Variants in KCNH7 observed in about 807,000 individuals in gnomAD.
The protein encoded by KCNH7 is potassium voltage-gated channel subfamily H member 7.
KCNH7 carries 49 observed loss-of-function variants against 120.8 expected under a neutral mutation model. That is an observed-to-expected ratio of 0.41 (90% confidence interval 0.32 to 0.51). The LOEUF (loss-of-function observed/expected upper bound fraction) is 0.51, where lower values mean the gene tolerates loss of function less well. Ranked by LOEUF, KCNH7 falls within the 20% of genes least tolerant of loss-of-function variation. The pLI, the probability that KCNH7 is intolerant of heterozygous loss-of-function variation, is 0.38. For synonymous variants in KCNH7, 547 were observed against 516.1 expected (o/e 1.06, Z -0.81); for missense variants, 1,097 against 1,446.6 (o/e 0.76, Z 3.92).
intron 6 of KCNH7, among the ~76,000 whole-genome samples, chr2:162,503,495 A>G (rs975820744): frequency 6.6e-6 from 1 of 152,044 alleles, no homozygotes; most frequent in Non-Finnish European, 1.5e-5. Flanking sequence ...TCAAATAAAT[A>G]TAGACTGCAC....
intron 2 of KCNH7, among the ~76,000 whole-genome samples, chr2:162,594,870 C>T (rs1574146834): frequency 6.6e-6 from 1 of 151,914 alleles, no homozygotes; most frequent in Non-Finnish European, 1.5e-5. Flanking sequence ...ATTCCAGAAC[C>T]AATCCCCCAC....
intron 2 of KCNH7, among the ~76,000 whole-genome samples, chr2:162,557,362 A>T (rs1438434522): frequency 2.0e-5 from 3 of 152,240 alleles, no homozygotes; most frequent in African/African-American, 7.2e-5. Flanking sequence ...GGCAGGAAGC[A>T]TAAGCTATTG....
chr2:162,773,619 G>T (rs944838055), intron 2 of KCNH7, among the ~76,000 whole-genome samples: 1 of 151,676 alleles, frequency 6.6e-6, no homozygotes, highest in Admixed American at 6.6e-5. Flanking sequence ...AGCACATCAA[G>T]AAACAAAAAC....
At chr2:162,794,228 A>T (rs1402201658) in intron 2 of KCNH7, among the ~76,000 whole-genome samples, 1 of 151,894 alleles carries the variant, frequency 6.6e-6, no homozygotes, top group African/African-American at 2.4e-5. Context: ...GAAGGAAGGA[A>T]GGAAGGGCAG....
chr2:162,658,474 G>C (rs1189076749), intron 2 of KCNH7, among the ~76,000 whole-genome samples: 1 of 151,828 alleles, frequency 6.6e-6, no homozygotes, highest in Non-Finnish European at 1.5e-5. Flanking sequence ...TGATGTTCTG[G>C]GTCTTTTACT....
At chr2:162,494,782 T>C (rs537214831) in intron 6 of KCNH7, among the ~76,000 whole-genome samples, 1 of 152,208 alleles carries the variant, frequency 6.6e-6, no homozygotes, top group South Asian at 2.1e-4. Flanking sequence ...TCTGATATCT[T>C]TGGAGATTGT....
At chr2:162,489,444 AG>A (rs1473872573) in intron 6 of KCNH7, among the ~76,000 whole-genome samples, 1 of 152,232 alleles carries the variant, frequency 6.6e-6, no homozygotes, top group Admixed American at 6.5e-5. Flanking sequence ...TCACATTCAA[AG>A]TCATCCTGAC....
chr2:162,546,537 A>G (rs892071797), intron 2 of KCNH7, among the ~76,000 whole-genome samples: 1 of 152,152 alleles, frequency 6.6e-6, no homozygotes, highest in African/African-American at 2.4e-5. Context: ...TGTGAAGGTC[A>G]AGCCGCAGTG....
intron 2 of KCNH7, among the ~76,000 whole-genome samples, chr2:162,767,690 G>A (rs1682875648): frequency 6.6e-6 from 1 of 151,962 alleles, no homozygotes; most frequent in African/African-American, 2.4e-5. Context: ...ATAAATAAGT[G>A]GGCCGTTTTC....
chr2:162,431,499 C>A (rs962340406), intron 8 of KCNH7, among the ~76,000 whole-genome samples: 3 of 151,836 alleles, frequency 2.0e-5, no homozygotes, highest in East Asian at 3.9e-4. Context: ...CTTATTATTG[C>A]CAAATTTCAA....
chr2:162,459,795 C>A (rs771670011), intron 6 of KCNH7, among the ~76,000 whole-genome samples: 5 of 151,938 alleles, frequency 3.3e-5, no homozygotes, highest in African/African-American at 9.7e-5. Flanking sequence ...GGGTGAATAG[C>A]GGTAAAGAAA....
chr2:162,439,508 G>A (rs1329362988), intron 7 of KCNH7, among the ~76,000 whole-genome samples: 1 of 152,032 alleles, frequency 6.6e-6, no homozygotes, highest in African/African-American at 2.4e-5. Context: ...CAGCACCCAT[G>A]CTATCTCAGA....
chr2:162,673,954 A>T (rs1360896974), intron 2 of KCNH7, among the ~76,000 whole-genome samples: 3 of 152,018 alleles, frequency 2.0e-5, no homozygotes, highest in Non-Finnish European at 2.9e-5. Context: ...ATAAGTACTT[A>T]ACAATTTTTT....
In KCNH7 at chr2:162,728,789, A is replaced by G. The variant is rs536463006; in HGVS notation, c.307+107748T>C. Among the ~76,000 whole-genome samples, 19 of 152,334 alleles carry G rather than the reference A, an allele frequency of 1.2e-4. No individual in the cohort carries two copies. The South Asian group carries it at 3.9e-3, about 32-fold the overall frequency. ...GTGAAACTCCATCTCAAAACAAAAC[A>G]AAACAAAAAACTTTGATGAAGCCAA... On this transcript the variant is annotated intron_variant, in intron 2 of 15. Coordinates refer to ENST00000332142, the MANE Select transcript of KCNH7 (RefSeq NM_033272.4).
intron 9 of KCNH7, among the ~76,000 whole-genome samples, chr2:162,418,841 C>A (rs1245957924): frequency 6.6e-6 from 1 of 152,112 alleles, no homozygotes; most frequent in East Asian, 1.9e-4. Flanking sequence ...AACAGCATAT[C>A]ATTCTTTATT....
Position 162,486,062 on chromosome 2 carries a change from A to G in KCNH7, c.1128+18381T>C, listed in dbSNP as rs577055039. 7.9e-5 allele frequency among the ~76,000 whole-genome samples: 12 copies of G among 152,334 alleles called. No individual in the cohort carries two copies. In the South Asian group the frequency reaches 2.5e-3, roughly 32 times the overall value. On this transcript the variant is annotated intron_variant, in intron 6 of 15. Coordinates refer to ENST00000332142, the MANE Select transcript of KCNH7 (RefSeq NM_033272.4). ...GGAAGCAGGAAGTAGATCTGGTTGC[A>G]GACCATTATGCGATATTTTTCCTGC...
chr2:162,796,446 C>G (rs780805581), intron 2 of KCNH7: 2 of 152,014 alleles, frequency 1.3e-5, no homozygotes, highest in East Asian at 1.9e-4. Flanking sequence ...CGTAGTGAGA[C>G]GCTCAACTAC....
At chr2:162,730,214 A>C (rs1194322597) in intron 2 of KCNH7, among the ~76,000 whole-genome samples, 1 of 151,800 alleles carries the variant, frequency 6.6e-6, no homozygotes, top group Non-Finnish European at 1.5e-5. Flanking sequence ...TCTAGTAAGA[A>C]TACTAGAAAG....
chr2:162,645,352 T>G (rs561731244), intron 2 of KCNH7, among the ~76,000 whole-genome samples: 4 of 152,258 alleles, frequency 2.6e-5, no homozygotes, highest in Non-Finnish European at 5.9e-5. Context: ...TTCACTATCT[T>G]GGCCAGGATG....
Sources: gnomAD v4.1 joint callset for allele counts (sites outside exome capture counted in the v4.1 genomes callset) on GRCh38, gnomAD v4.1.1 for gene constraint, MANE v1.5 for transcripts, NCBI Gene and HGNC (gene_info 2026-07-23, HGNC 2026-07-21) for gene names.